COLGALT2: variants seen among roughly 807,000 people sequenced by gnomAD.
The protein encoded by COLGALT2 is procollagen galactosyltransferase 2.
Under a neutral mutation model 73.4 loss-of-function variants are expected in COLGALT2, and 49 were observed. That is an observed-to-expected ratio of 0.67 (90% confidence interval 0.53 to 0.85). COLGALT2 has a LOEUF of 0.85. Ranked by LOEUF, COLGALT2 falls within the 40% of genes least tolerant of loss-of-function variation. The probability of loss-of-function intolerance (pLI) is 0.00; values close to 1 mark genes in which losing one functional copy is unlikely to be tolerated. For missense variants in COLGALT2, 722 were observed against 790.2 expected, an observed-to-expected ratio of 0.91 and a Z score of 1.03; for synonymous variants, 295 against 307.6, an observed-to-expected ratio of 0.96 and a Z score of 0.43.
intron 1 of COLGALT2, among the ~76,000 whole-genome samples, chr1:183,994,001 G>A (rs1478822360): frequency 7.4e-6 from 1 of 135,930 alleles, no homozygotes; most frequent in Admixed American, 7.4e-5. Context: ...AGTAAAATAA[G>A]TCACACTCAT....
Position 183,999,455 on chromosome 1 carries a change from G to A in COLGALT2, c.264-20935C>T, listed in dbSNP as rs146372704. On this transcript the variant is annotated intron_variant, in intron 1 of 11. Coordinates refer to ENST00000361927, the MANE Select transcript of COLGALT2 (RefSeq NM_015101.4). ...GGTCCTCATATGATTTTAGTATTAC[G>A]TTATGTTAACCTCACGAAATAAATT... Among the ~76,000 whole-genome samples, 60 of 152,072 alleles carry A rather than the reference G, an allele frequency of 3.9e-4. No homozygotes were observed. In the East Asian group the frequency reaches 9.5e-3, roughly 24 times the overall value.
intron 1 of COLGALT2, among the ~76,000 whole-genome samples, chr1:184,007,228 C>T (rs1027864722): frequency 1.3e-5 from 2 of 152,200 alleles, no homozygotes; most frequent in African/African-American, 4.8e-5. Flanking sequence ...ACCTCTATGA[C>T]TCTTGGGAAA....
chr1:184,036,567 G>A (rs1299483154), intron 1 of COLGALT2, among the ~76,000 whole-genome samples: 2 of 152,160 alleles, frequency 1.3e-5, no homozygotes, highest in African/African-American at 2.4e-5. Flanking sequence ...CACATTTCCA[G>A]CCTGGAGCAG....
At chr1:183,941,873 A>T (rs548626927) in intron 10 of COLGALT2, among the ~76,000 whole-genome samples, 5 of 152,280 alleles carry the variant, frequency 3.3e-5, no homozygotes, top group African/African-American at 1.2e-4. Context: ...TAATTAATTT[A>T]ATTTTAAATG....
chr1:183,954,047 A>G (rs887091791), intron 7 of COLGALT2, among the ~76,000 whole-genome samples: 1 of 152,196 alleles, frequency 6.6e-6, no homozygotes, highest in Admixed American at 6.5e-5. Context: ...TAGACCACCA[A>G]GCTCCTTCTG....
intron 1 of COLGALT2, among the ~76,000 whole-genome samples, chr1:184,013,088 G>GT (rs1433487378): frequency 6.6e-6 from 1 of 152,262 alleles, no homozygotes; most frequent in East Asian, 1.9e-4. Flanking sequence ...GCCAAGGCGG[G>GT]TGGATCATTT....
intron 1 of COLGALT2, among the ~76,000 whole-genome samples, chr1:183,993,768 T>C (rs1347581864): frequency 2.6e-5 from 4 of 152,294 alleles, no homozygotes; most frequent in African/African-American, 7.2e-5. Flanking sequence ...ATTGCCTCTG[T>C]AAATTATTTC....
intron 1 of COLGALT2, among the ~76,000 whole-genome samples, chr1:183,989,142 G>A (rs531662768): frequency 4.9e-4 from 74 of 152,242 alleles, no homozygotes; most frequent in South Asian, 1.7e-3. Flanking sequence ...ATGTAGCAGA[G>A]AGGAATCCTT....
chr1:184,005,794 G>A (rs538489522), intron 1 of COLGALT2, among the ~76,000 whole-genome samples: 1 of 152,324 alleles, frequency 6.6e-6, no homozygotes, highest in African/African-American at 2.4e-5. Flanking sequence ...CCTGTCTCAT[G>A]AGTTCACAGA....
chr1:184,030,479 T>C (rs1649478526), intron 1 of COLGALT2, among the ~76,000 whole-genome samples: 1 of 152,202 alleles, frequency 6.6e-6, no homozygotes, highest in Non-Finnish European at 1.5e-5. Context: ...TGTCCTACTA[T>C]AGTCCTATAT....
chr1:184,000,589 A>G (rs937052738), intron 1 of COLGALT2, among the ~76,000 whole-genome samples: 2 of 133,096 alleles, frequency 1.5e-5, no homozygotes, highest in South Asian at 2.6e-4. Context: ...TATAAAGTCA[A>G]TTAATTTAAG....
downstream of COLGALT2, among the ~76,000 whole-genome samples, chr1:183,931,996 T>C (rs151141485): frequency 6.6e-5 from 10 of 152,278 alleles, no homozygotes. Flanking sequence ...TGCAGAAATA[T>C]GTTATCTGAG....
At chr1:184,010,272 G>A (rs1051253864) in intron 1 of COLGALT2, among the ~76,000 whole-genome samples, 9 of 152,324 alleles carry the variant, frequency 5.9e-5, no homozygotes, top group South Asian at 4.1e-4. Flanking sequence ...CAGAAATCCA[G>A]ATTTTTATAG....
At chr1:184,004,369 G>A (rs1672012993) in intron 1 of COLGALT2, among the ~76,000 whole-genome samples, 2 of 152,182 alleles carry the variant, frequency 1.3e-5, no homozygotes, top group African/African-American at 4.8e-5. Flanking sequence ...AGAAAAAGTA[G>A]GAGGTAAACA....
At chr1:183,930,590 T>C (rs1485316537) in intron 11 of COLGALT2, among the ~76,000 whole-genome samples, 3 of 131,954 alleles carry the variant, frequency 2.3e-5, no homozygotes, top group Non-Finnish European at 5.0e-5. Context: ...TTTTTTTTTT[T>C]GTATTTTTTA....
chr1:184,036,676 T>G (rs935254058), intron 1 of COLGALT2, among the ~76,000 whole-genome samples: 10 of 152,154 alleles, frequency 6.6e-5, no homozygotes, highest in Non-Finnish European at 1.5e-4. Context: ...CGTATCTACA[T>G]GGGAATACGG....
At chr1:183,969,501 G>A (rs756181596) in intron 4 of COLGALT2, 28 bp from the exon 5 acceptor site, 2 of 1,568,358 alleles carry the variant, frequency 1.3e-6, no homozygotes, top group Non-Finnish European at 1.7e-6. Flanking sequence ...GGTGGGTTGT[G>A]TTTTCTGATT....
intron 8 of COLGALT2, among the ~76,000 whole-genome samples, chr1:183,947,533 A>C (rs1210517653): frequency 6.6e-6 from 1 of 152,226 alleles, no homozygotes; most frequent in Non-Finnish European, 1.5e-5. Context: ...ATTGCAAGGG[A>C]AATTAGAAAA....
chr1:184,020,976 G>A (rs1217044484), intron 1 of COLGALT2, among the ~76,000 whole-genome samples: 1 of 152,002 alleles, frequency 6.6e-6, no homozygotes, highest in East Asian at 1.9e-4. Context: ...ATTCCCCAGA[G>A]CAAGCAATCC....
Sources: gnomAD v4.1 joint callset for allele counts (sites outside exome capture counted in the v4.1 genomes callset) on GRCh38, gnomAD v4.1.1 for gene constraint, MANE v1.5 for transcripts, NCBI Gene and HGNC (gene_info 2026-07-23, HGNC 2026-07-21) for gene names.